MINPP1: variants seen among roughly 807,000 people sequenced by gnomAD.
MINPP1 encodes the protein multiple inositol polyphosphate phosphatase 1.
MINPP1 carries 28 observed loss-of-function variants against 46.1 expected under a neutral mutation model. That is an observed-to-expected ratio of 0.61 (90% CI 0.45 to 0.83). The LOEUF is 0.83. Ranked by LOEUF, MINPP1 falls within the 40% of genes least tolerant of loss-of-function variation. The pLI, the probability that MINPP1 is intolerant of heterozygous loss-of-function variation, is 0.00. For synonymous variants in MINPP1, 268 were observed against 249.1 expected (o/e 1.08, Z -0.72); for missense variants, 603 against 610.0 (o/e 0.99, Z 0.12).
intron 4 of MINPP1, among the ~76,000 whole-genome samples, chr10:87,547,954 A>G (rs1350484391): frequency 6.6e-6 from 1 of 152,218 alleles, no homozygotes. Context: ...GAAGTAGCTT[A>G]TCTTCATTTG....
rs1204390035 is a variant in MINPP1, at chr10:87,505,167, C to A, written c.252C>A (p.Val84=). The change falls in exon 1 of 5, where the codon GTC becomes GTA. Residue 84 remains valine, a synonymous_variant. Transcript: ENST00000371996. The surrounding 1 kb of genome is among the most constrained non-coding windows in gnomAD (Gnocchi z 4.4). ...LEGTCTPVQL[V]ALIRHGTRYP... ...GGACCTGCACCCCGGTGCAGCTGGTCGCCCTCATTCGCCACGGCACCCGCT... is the reference window on the plus strand; with the variant it reads ...GGACCTGCACCCCGGTGCAGCTGGTAGCCCTCATTCGCCACGGCACCCGCT... 6.2e-7 allele frequency: 1 copy of A among 1,608,804 alleles called. No individual in the cohort carries two copies. The highest frequency in any genetic ancestry group is 8.5e-7 in the Non-Finnish European group (1 of 1,177,778).
intron 1 of MINPP1, chr10:87,508,086 G>T (rs1589367649): frequency 1.3e-6 from 2 of 1,484,538 alleles, no homozygotes; most frequent in African/African-American, 2.8e-5. Flanking sequence ...TCATTGCGTA[G>T]CATCTCTACA....
At chr10:87,544,949 A>T (rs1295909309) in intron 4 of MINPP1, among the ~76,000 whole-genome samples, 2 of 152,216 alleles carry the variant, frequency 1.3e-5, no homozygotes, top group African/African-American at 4.8e-5. Flanking sequence ...AAAGCAAAAA[A>T]TACTTAACAT....
At chr10:87,536,929 G>T (rs796383079) in intron 4 of MINPP1, among the ~76,000 whole-genome samples, 2 of 152,108 alleles carry the variant, frequency 1.3e-5, no homozygotes, top group East Asian at 3.9e-4. Flanking sequence ...GTCTTAAGTA[G>T]GTGTATTTTT....
Position 87,520,710 on chromosome 10 carries a change from T to C in MINPP1, c.934-326T>C, listed in dbSNP as rs553456838. On this transcript the variant is annotated intron_variant, in intron 3 of 4. Coordinates refer to ENST00000371996, the MANE Select transcript of MINPP1 (RefSeq NM_004897.5). ...TTAATATAATATCATCTTAATATAA[T>C]GTTAGAAGAAAGGAGAGGTGAGCAC... 4.7e-4 allele frequency among the ~76,000 whole-genome samples: 72 copies of C among 152,226 alleles called. No homozygotes were observed. The South Asian group carries it at 0.015, about 31-fold the overall frequency.
intron 4 of MINPP1, among the ~76,000 whole-genome samples, chr10:87,526,888 C>G (rs1442864804): frequency 6.6e-6 from 1 of 152,142 alleles, no homozygotes. Flanking sequence ...GGGCTCTGTT[C>G]TGTTCCATTG....
intron 4 of MINPP1, among the ~76,000 whole-genome samples, chr10:87,531,930 C>T (rs1387793593): frequency 6.6e-6 from 1 of 152,138 alleles, no homozygotes; most frequent in Non-Finnish European, 1.5e-5. Context: ...AAGGAATACT[C>T]AACCTATACC....
intron 4 of MINPP1, among the ~76,000 whole-genome samples, chr10:87,530,655 C>A (rs1457604243): frequency 6.6e-6 from 1 of 152,188 alleles, no homozygotes; most frequent in Admixed American, 6.5e-5. Flanking sequence ...GGGTCAAGGA[C>A]CCTCTTGAGG....
chr10:87,522,152 T>TAA (rs994663058), intron 4 of MINPP1, among the ~76,000 whole-genome samples: 4 of 150,796 alleles, frequency 2.7e-5, no homozygotes, highest in African/African-American at 9.7e-5. Context: ...AACAAAAGTG[T>TAA]AAAAAAAAAC....
chr10:87,513,265 T>G (rs1263897745), intron 3 of MINPP1, 44 bp downstream of exon 3: 4 of 1,476,388 alleles, frequency 2.7e-6, no homozygotes, highest in Non-Finnish European at 3.8e-6. Flanking sequence ...TAAAAAAATT[T>G]TTTTTGGCTT....
chr10:87,513,375 G>A (rs1564672835), intron 3 of MINPP1, among the ~76,000 whole-genome samples, 154 bp downstream of exon 3: 1 of 152,146 alleles, frequency 6.6e-6, no homozygotes, highest in Non-Finnish European at 1.5e-5. Context: ...CTTAAATAAA[G>A]AGAGATTAAA....
chr10:87,518,153 G>T (rs1425020792), intron 3 of MINPP1, among the ~76,000 whole-genome samples: 1 of 151,096 alleles, frequency 6.6e-6, no homozygotes, highest in Admixed American at 6.6e-5. Context: ...TAGAGACGGG[G>T]TTTCACCCTG....
chr10:87,531,541 T>C (rs1307721961), intron 4 of MINPP1, among the ~76,000 whole-genome samples: 2 of 152,164 alleles, frequency 1.3e-5, no homozygotes, highest in Non-Finnish European at 2.9e-5. Context: ...AGGCAGTTGC[T>C]TGGATTTGGT....
At chr10:87,523,300 G>C (rs1490031453) in intron 4 of MINPP1, among the ~76,000 whole-genome samples, 1 of 152,058 alleles carries the variant, frequency 6.6e-6, no homozygotes, top group South Asian at 2.1e-4. Flanking sequence ...GACAGCTATA[G>C]CCTTATGACA....
At chr10:87,536,628 C>T (rs541556307) in intron 4 of MINPP1, among the ~76,000 whole-genome samples, 2 of 152,154 alleles carry the variant, frequency 1.3e-5, no homozygotes, top group South Asian at 4.2e-4. Context: ...GTTGTATTTT[C>T]TAGGATTTTA....
intron 4 of MINPP1, among the ~76,000 whole-genome samples, chr10:87,522,897 C>T (rs879564861): frequency 1.3e-5 from 2 of 152,198 alleles, no homozygotes; most frequent in African/African-American, 2.4e-5. Context: ...CCTCTCAAAG[C>T]CTGTCACTGC....
chr10:87,518,916 AG>A (rs1851453892), intron 3 of MINPP1, among the ~76,000 whole-genome samples: 1 of 152,130 alleles, frequency 6.6e-6, no homozygotes, highest in South Asian at 2.1e-4. Flanking sequence ...GCTATCTGTA[AG>A]CTCTCTAAAC....
At position 87,546,297 on chromosome 10, in the gene MINPP1, T is replaced by C. The variant is rs919644759; in HGVS notation, c.1068-5785T>C. ...AGGAGTTGCCGTGGCATCTGTAAAC[T>C]GTCACGGCACAGATGGGAGTGTCTT... On this transcript the variant is annotated intron_variant, in intron 4 of 4. Transcript: ENST00000371996. 2.6e-5 allele frequency among the ~76,000 whole-genome samples: 4 copies of C among 152,320 alleles called. No individual in the cohort carries two copies. In the South Asian group the frequency reaches 6.2e-4, roughly 24 times the overall value.
chr10:87,505,961 A>G lies in MINPP1; in HGVS notation c.637+409A>G, dbSNP rs1194150100. On this transcript the variant is annotated intron_variant, in intron 1 of 4. Transcript: ENST00000371996. This position sits in a 1 kb window ranked among gnomAD's most constrained non-coding sequence, Gnocchi z 4.4. ...TCACAATTGGGCGCACGTTTTAAAA[A>G]ACAGAATCTAGAATTTTCTTCCTCG... Among the ~76,000 whole-genome samples the G allele has an allele frequency of 2.6e-5, 4 of 151,554 alleles. No individual in the cohort carries two copies. The highest frequency in any genetic ancestry group is 5.9e-5 in the Non-Finnish European group (4 of 67,978).
Sources: allele counts gnomAD v4.1 joint callset (sites outside exome capture counted in the v4.1 genomes callset), GRCh38; gene constraint gnomAD v4.1.1; non-coding constraint Gnocchi (gnomAD v3.1); transcripts MANE v1.5; gene names NCBI Gene and HGNC (gene_info 2026-07-23, HGNC 2026-07-21).